Variants in EDIL3 observed in about 807,000 individuals in gnomAD.
EDIL3 encodes EGF like and discoidin domains 3.
EDIL3 carries 37 observed loss-of-function variants against 67.4 expected under a neutral mutation model. The ratio of observed to expected loss-of-function variants is 0.55; its 90% confidence interval spans 0.42 to 0.72. EDIL3 has a LOEUF of 0.72. Among genes scored for constraint, EDIL3 ranks in the 30% least tolerant of loss-of-function variants. The pLI, the probability that EDIL3 is intolerant of heterozygous loss-of-function variation, is 0.00. For missense variants in EDIL3, 527 were observed against 586.3 expected (o/e 0.90, Z 1.04); for synonymous variants, 195 against 196.3 (o/e 0.99, Z 0.05).
chr5:84,007,641 G>A (rs1745441563), intron 9 of EDIL3, among the ~76,000 whole-genome samples: 1 of 152,120 alleles, frequency 6.6e-6, no homozygotes, highest in Admixed American at 6.6e-5. Flanking sequence ...TGCTGGCAAG[G>A]TTGTGGAGAA....
intron 3 of EDIL3, among the ~76,000 whole-genome samples, chr5:84,212,236 T>A (rs2112390535): frequency 6.6e-6 from 1 of 152,150 alleles, no homozygotes; most frequent in South Asian, 2.1e-4. Context: ...ATTACCCAGA[T>A]GGGCCCTAAA....
chr5:84,365,016 G>C (rs1747697518), intron 1 of EDIL3, among the ~76,000 whole-genome samples: 1 of 152,028 alleles, frequency 6.6e-6, no homozygotes, highest in African/African-American at 2.4e-5. Context: ...ATTGGGTTTT[G>C]AGGGGTTGTT....
intron 9 of EDIL3, among the ~76,000 whole-genome samples, chr5:84,052,679 C>T (rs978095043): frequency 1.3e-5 from 2 of 152,128 alleles, no homozygotes; most frequent in Non-Finnish European, 2.9e-5. Context: ...ATAAAACAGA[C>T]TTTAAACCAA....
chr5:84,367,039 G>A (rs1288829063), intron 1 of EDIL3, among the ~76,000 whole-genome samples: 1 of 152,124 alleles, frequency 6.6e-6, no homozygotes, highest in East Asian at 1.9e-4. Flanking sequence ...CACACTAATA[G>A]AGAAGTAGCT....
At chr5:84,312,574 A>T (rs866373439) in intron 1 of EDIL3, among the ~76,000 whole-genome samples, 1,693 of 95,342 alleles carry the variant, frequency 0.018, 52 homozygotes, top group African/African-American at 0.067. Flanking sequence ...CTCCCCCACC[A>T]CCCTCCCGGA....
intron 9 of EDIL3, among the ~76,000 whole-genome samples, chr5:83,986,571 T>C (rs1314887117): frequency 6.6e-6 from 1 of 152,152 alleles, no homozygotes; most frequent in Non-Finnish European, 1.5e-5. Flanking sequence ...CCAATATTTA[T>C]TGAGTGTCTA....
intron 5 of EDIL3, among the ~76,000 whole-genome samples, chr5:84,107,601 T>G (rs1288772632): frequency 6.6e-6 from 1 of 151,400 alleles, no homozygotes; most frequent in Non-Finnish European, 1.5e-5. Context: ...CATTTGCAAC[T>G]GAGAAACTTA....
intron 6 of EDIL3, among the ~76,000 whole-genome samples, chr5:84,102,387 T>C (rs925100423): frequency 6.6e-6 from 1 of 151,996 alleles, no homozygotes; most frequent in African/African-American, 2.4e-5. Flanking sequence ...TATCCCTGTT[T>C]GCAGAGGACA....
chr5:83,957,402 A>T (rs924091436), intron 10 of EDIL3, among the ~76,000 whole-genome samples: 2 of 151,722 alleles, frequency 1.3e-5, no homozygotes, highest in Non-Finnish European at 2.9e-5. Flanking sequence ...AGTATTATTG[A>T]CTACTCATCT....
chr5:84,160,819 CCCTTTCCTTTT>C (rs1374486570), intron 4 of EDIL3, among the ~76,000 whole-genome samples: 1,520 of 68,704 alleles, frequency 0.022, 39 homozygotes, highest in Non-Finnish European at 0.027. Flanking sequence ...CCTTTCCTTT[CCCTTTCCTTTT>C]CCTTTCCTTT....
At chr5:84,241,989 G>A (rs558107125) in intron 2 of EDIL3, among the ~76,000 whole-genome samples, 8 of 151,642 alleles carry the variant, frequency 5.3e-5, no homozygotes, top group Non-Finnish European at 8.8e-5. Context: ...GACAGGCCGA[G>A]GTGGGCAGAT....
chr5:84,347,775 C>T (rs1747264776), intron 1 of EDIL3, among the ~76,000 whole-genome samples: 1 of 152,192 alleles, frequency 6.6e-6, no homozygotes, highest in African/African-American at 2.4e-5. Context: ...CTTGCAGGAA[C>T]TATCATAGTT....
chr5:84,353,248 A>C (rs569437322), intron 1 of EDIL3, among the ~76,000 whole-genome samples: 4 of 152,172 alleles, frequency 2.6e-5, no homozygotes, highest in Non-Finnish European at 5.9e-5. Context: ...AAAGGGAAGG[A>C]AGTTCCATGT....
chr5:84,273,110 C>T (rs907044310), intron 1 of EDIL3, among the ~76,000 whole-genome samples: 5 of 152,004 alleles, frequency 3.3e-5, no homozygotes, highest in Non-Finnish European at 7.4e-5. Flanking sequence ...ACATCCAAAC[C>T]CCATGATATC....
At chr5:84,010,803 A>G (rs1394541825) in intron 9 of EDIL3, among the ~76,000 whole-genome samples, 2 of 152,182 alleles carry the variant, frequency 1.3e-5, no homozygotes, top group Non-Finnish European at 2.9e-5. Context: ...GTTCACACGT[A>G]TGTTCAATCA....
intron 9 of EDIL3, among the ~76,000 whole-genome samples, chr5:83,977,438 G>A (rs890652353): frequency 6.6e-6 from 1 of 151,666 alleles, no homozygotes; most frequent in Admixed American, 6.6e-5. Flanking sequence ...CACTTTTGGT[G>A]CCAGGAAGTC....
intron 9 of EDIL3, among the ~76,000 whole-genome samples, chr5:83,979,552 A>G (rs1048291615): frequency 6.6e-6 from 1 of 152,184 alleles, no homozygotes; most frequent in African/African-American, 2.4e-5. Flanking sequence ...ATGGGAATAC[A>G]ATAGAATTAT....
intron 1 of EDIL3, among the ~76,000 whole-genome samples, chr5:84,273,581 C>A (rs1252302170): frequency 6.6e-6 from 1 of 152,178 alleles, no homozygotes; most frequent in East Asian, 1.9e-4. Context: ...TTACTTAGGT[C>A]TTAAATAAAC....
At chr5:83,970,643 GTATATA>G (rs70975530) in intron 9 of EDIL3, among the ~76,000 whole-genome samples, 3,903 of 115,954 alleles carry the variant, frequency 0.034, 144 homozygotes, top group East Asian at 0.13. Flanking sequence ...TAGGATCACA[GTATATA>G]TATATATATA....
Sources: gnomAD v4.1 joint callset for allele counts (sites outside exome capture counted in the v4.1 genomes callset) on GRCh38, gnomAD v4.1.1 for gene constraint, MANE v1.5 for transcripts, NCBI Gene and HGNC (gene_info 2026-07-23, HGNC 2026-07-21) for gene names.